DLX5: variants seen among roughly 807,000 people sequenced by gnomAD.
DLX5 encodes distal-less homeobox 5.
In DLX5, 8 loss-of-function variants were observed where a neutral mutation model predicts 27.1. That is an observed-to-expected ratio of 0.30 (90% CI 0.17 to 0.53). The LOEUF (loss-of-function observed/expected upper bound fraction) is 0.53. Among genes scored for constraint, DLX5 ranks in the 20% least tolerant of loss-of-function variants. The pLI is 0.95. For synonymous variants in DLX5, 178 were observed against 161.9 expected, an observed-to-expected ratio of 1.10 and a Z score of -0.75; for missense variants, 339 against 375.1, an observed-to-expected ratio of 0.90 and a Z score of 0.80.
Position 97,024,557 on chromosome 7 carries a change from T to C in DLX5, c.67A>G (p.Thr23Ala). 1 of 1,613,254 alleles carries C rather than the reference T, an allele frequency of 6.2e-7. No homozygotes were observed. Among genetic ancestry groups the C allele is most frequent in the Non-Finnish European group, 8.5e-7 (1 of 1,179,306 alleles). ...RSGDFQAPFQTSAAMHHPSQE... is the reference protein window; with the variant it reads ...RSGDFQAPFQASAAMHHPSQE... ...GACGGATGGTGCATAGCTGCGGACG[T>C]CTGGAACGGAGCTTGGAAGTCGCCG... Residue 23 changes from threonine (T) to alanine (A), a missense_variant, in exon 1 of 3, where the codon ACG becomes GCG. Thr to Ala is a moderately conservative substitution (Grantham distance 58). Transcript: ENST00000648378. This position sits in a 1 kb window ranked among gnomAD's most constrained non-coding sequence, Gnocchi z 4.6.
In DLX5 at chr7:97,021,085, C is replaced by T; in HGVS notation, c.541-20G>A. ...TTTCACCTGAGTTGGGGAACAAAGG[C>T]ACACGTTACCGGGACACTCAGAGGT... is the stretch of plus-strand genomic sequence containing the variant. On this transcript the variant is annotated intron_variant, in intron 2 of 2. Coordinates refer to ENST00000648378, the MANE Select transcript of DLX5 (RefSeq NM_005221.6). 6.3e-7 allele frequency: 1 copy of T among 1,584,118 alleles called. No homozygotes were observed. Among genetic ancestry groups the T allele is most frequent in the South Asian group, 1.2e-5 (1 of 86,910 alleles).
At chr7:97,021,185 C>G in intron 2 of DLX5, 120 bp from the exon 3 acceptor site, 1 of 955,262 alleles carries the variant, frequency 1.0e-6, no homozygotes, top group South Asian at 1.7e-5. Context: ...CCTGGCGTCT[C>G]CCCGCCGCTT....
In DLX5 at chr7:97,022,373, A is replaced by G; in HGVS notation, c.356-4T>C. ...TCGGGCTCGGTCACTTCTTTCTCTAAATAATCAAAACAGACTCAGTTAAAG... is the reference window on the plus strand; with the variant it reads ...TCGGGCTCGGTCACTTCTTTCTCTAGATAATCAAAACAGACTCAGTTAAAG... On this transcript the variant is annotated splice_polypyrimidine_tract_variant and splice_region_variant and intron_variant, in intron 1 of 2. Coordinates refer to ENST00000648378, the MANE Select transcript of DLX5 (RefSeq NM_005221.6). 1 of 1,613,582 alleles carries G rather than the reference A, an allele frequency of 6.2e-7. No homozygotes were observed. The highest frequency in any genetic ancestry group is 8.5e-7 in the Non-Finnish European group (1 of 1,180,030).
Position 97,020,795 on chromosome 7 carries a change from G to A in DLX5, c.811C>T (p.Leu271=), listed in dbSNP as rs1790029357. The A allele has an allele frequency of 6.2e-7, 1 of 1,612,304 alleles. No individual in the cohort carries two copies. The highest frequency in any genetic ancestry group is 1.1e-5 in the South Asian group (1 of 91,014). ...TSAASSINSH[L]PPPGSLQHPL... is the part of the protein sequence containing the mutation. ...TGCTGTAAGGAGCCCGGCGGCGGCA[G>A]GTGGGAATTGATTGAGCTGGCTGCA... is the stretch of plus-strand genomic sequence containing the variant. Residue 271 remains leucine, a synonymous_variant, in exon 3 of 3, where the codon CTG becomes TTG. Coordinates refer to ENST00000648378, the MANE Select transcript of DLX5 (RefSeq NM_005221.6).
rs1261034783 is a variant in DLX5 at position 97,020,790 on chromosome 7, C to G, written c.816G>C (p.Pro272=). 6.2e-7 allele frequency: 1 copy of G among 1,609,696 alleles called. No homozygotes were observed. Among genetic ancestry groups the G allele is most frequent in the Non-Finnish European group, 8.5e-7 (1 of 1,176,762 alleles). The change falls in exon 3 of 3, where the codon CCG becomes CCC. Residue 272 remains proline (P), a synonymous_variant. Transcript: ENST00000648378. ...GCGGGTGCTGTAAGGAGCCCGGCGG[C>G]GGCAGGTGGGAATTGATTGAGCTGG... ...SAASSINSHL[P]PPGSLQHPLA...
chr7:97,021,196 G>A (rs1473630645), intron 2 of DLX5, 131 bp from the exon 3 acceptor site: 1 of 863,184 alleles, frequency 1.2e-6, no homozygotes, highest in African/African-American at 1.7e-5. Context: ...CCCGCCGCTT[G>A]CGGCCTACCG....
In DLX5 at chr7:97,022,489, A is replaced by G. The variant is rs907605230; in HGVS notation, c.356-120T>C. 5 of 1,516,512 alleles carry G rather than the reference A, an allele frequency of 3.3e-6. No individual in the cohort carries two copies. In the African/African-American group the frequency reaches 6.9e-5, roughly 21 times the overall value. The allele number at this position is 1,516,512 out of a possible 1,614,324, so 93.9% of individuals were successfully genotyped here. A position where few individuals can be genotyped will look rare whatever the true frequency, so the allele number is the denominator to read the frequency against. ...TCAGTCTTCATTCTTTGCCCATATCACCACCACCTTTGCTTTTCAGGACCG... is the reference window on the plus strand; with the variant it reads ...TCAGTCTTCATTCTTTGCCCATATCGCCACCACCTTTGCTTTTCAGGACCG... On this transcript the variant is annotated intron_variant, in intron 1 of 2. Transcript: ENST00000648378.
chr7:97,021,980 A>C (rs1562796413), intron 2 of DLX5: 1 of 636,396 alleles, frequency 1.6e-6, no homozygotes, highest in Non-Finnish European at 2.7e-6. Flanking sequence ...GGTTAGTGGG[A>C]GGTATCTCCA....
intron 2 of DLX5, chr7:97,021,974 A>T: frequency 1.6e-6 from 1 of 628,402 alleles, no homozygotes; most frequent in Non-Finnish European, 2.8e-6. Flanking sequence ...GGGCGCGGTT[A>T]GTGGGAGGTA....
chr7:97,022,066 G>T, intron 2 of DLX5, 119 bp downstream of exon 2: 1 of 1,201,772 alleles, frequency 8.3e-7, no homozygotes, highest in Non-Finnish European at 1.2e-6. Context: ...GATGTCTTTG[G>T]GTCTGTTAGT....
At chr7:97,023,274 G>C (rs1790114212) in intron 1 of DLX5, among the ~76,000 whole-genome samples, 1 of 151,808 alleles carries the variant, frequency 6.6e-6, no homozygotes, top group African/African-American at 2.4e-5. Context: ...AACCTGCCCT[G>C]GGGCTACAAC....
intron 1 of DLX5, 95 bp from the exon 2 acceptor site, chr7:97,022,464 T>C (rs1010345051): frequency 9.7e-5 from 152 of 1,563,080 alleles, no homozygotes; most frequent in Non-Finnish European, 1.3e-4. Flanking sequence ...TTCTTACCAC[T>C]CAGTCTTCAT....
chr7:97,022,095 A>T, intron 2 of DLX5, 90 bp downstream of exon 2: 1 of 1,511,728 alleles, frequency 6.6e-7, no homozygotes, highest in Non-Finnish European at 9.1e-7. Context: ...GGTACTGTCA[A>T]AACAGCTCCA....
At chr7:97,021,683 C>G (rs1208869117) in intron 2 of DLX5, among the ~76,000 whole-genome samples, 1 of 152,166 alleles carries the variant, frequency 6.6e-6, no homozygotes, top group African/African-American at 2.4e-5. Context: ...ATAGCGCCCC[C>G]CACCTCGCGA....
chr7:97,022,179 AT>A lies in DLX5; in HGVS notation c.540+5del. 1 of 1,613,972 alleles carries A rather than the reference AT, an allele frequency of 6.2e-7. No homozygotes were observed. Among genetic ancestry groups the A allele is most frequent in the African/African-American group, 1.3e-5 (1 of 75,004 alleles). ...CAGGTCTAGTGCATGGCAGCGCCGT[AT>A]TTACCTGTGTTTGTGTCAATCCCAG... On this transcript the variant is annotated splice_donor_5th_base_variant and intron_variant, in intron 2 of 2. Coordinates refer to ENST00000648378, the MANE Select transcript of DLX5 (RefSeq NM_005221.6).
intron 2 of DLX5, among the ~76,000 whole-genome samples, chr7:97,021,824 C>T (rs996280830): frequency 3.3e-5 from 5 of 152,286 alleles, no homozygotes; most frequent in Admixed American, 6.5e-5. Context: ...TTGCTCACCC[C>T]CGAGGAGGCT....
intron 1 of DLX5, chr7:97,022,716 C>T (rs909637431): frequency 1.2e-5 from 5 of 424,086 alleles, no homozygotes; most frequent in Non-Finnish European, 1.6e-5. Context: ...CGTTTCCGCC[C>T]CTCCCCAGGC....
In DLX5 at chr7:97,024,166, C is replaced by T; in HGVS notation, c.355+103G>A. Reference sequence around the variant, plus strand: ...CCTACTCCCTTCTGCCGCGTGCGCCCCCACTGCCGTGAACCGCTGTGACCC... The same window carrying T: ...CCTACTCCCTTCTGCCGCGTGCGCCTCCACTGCCGTGAACCGCTGTGACCC... On this transcript the variant is annotated intron_variant, in intron 1 of 2. Coordinates refer to ENST00000648378, the MANE Select transcript of DLX5 (RefSeq NM_005221.6). The surrounding 1 kb of genome is among the most constrained non-coding windows in gnomAD (Gnocchi z 4.6). 2 of 1,097,842 alleles carry T rather than the reference C, an allele frequency of 1.8e-6. No individual in the cohort carries two copies. The highest frequency in any genetic ancestry group is 2.6e-6 in the Non-Finnish European group (2 of 777,756). The allele number at this position is 1,097,842 out of a possible 1,614,324, so 68.0% of individuals were successfully genotyped here.
intron 2 of DLX5, 48 bp from the exon 3 acceptor site, chr7:97,021,113 C>A (rs1244663393): frequency 1.3e-6 from 2 of 1,529,286 alleles, no homozygotes; most frequent in East Asian, 4.5e-5. Context: ...TCAGAGGTCG[C>A]CCGCGCCTTC....
Sources: gnomAD v4.1 joint callset for allele counts (sites outside exome capture counted in the v4.1 genomes callset) on GRCh38, gnomAD v4.1.1 for gene constraint, Gnocchi (gnomAD v3.1) non-coding constraint, MANE v1.5 for transcripts, NCBI Gene and HGNC (gene_info 2026-07-23, HGNC 2026-07-21) for gene names.